ARL14EPL: variants seen among roughly 807,000 people sequenced by gnomAD.
ARL14EPL encodes the protein ARF like GTPase 14 effector protein like.
ARL14EPL carries 17 observed loss-of-function variants against 15.9 expected under a neutral mutation model. The ratio of observed to expected loss-of-function variants is 1.07; its 90% confidence interval spans 0.73 to 1.60. The LOEUF is 1.60. Ranked by LOEUF, ARL14EPL falls within the 40% of genes most tolerant of loss-of-function variation. The pLI, the probability that ARL14EPL is intolerant of heterozygous loss-of-function variation, is 0.00. For missense variants in ARL14EPL, 214 were observed against 185.9 expected (o/e 1.15, Z -0.88); for synonymous variants, 78 against 63.8 (o/e 1.22, Z -1.06).
chr5:116,055,972 T>C (rs1360437967), intron 3 of ARL14EPL, among the ~76,000 whole-genome samples: 1 of 152,250 alleles, frequency 6.6e-6, no homozygotes, highest in African/African-American at 2.4e-5. Flanking sequence ...ACAAAGGACA[T>C]GAACTCATCC....
intron 1 of ARL14EPL, among the ~76,000 whole-genome samples, chr5:116,049,003 G>A (rs1749323201): frequency 6.6e-6 from 1 of 152,156 alleles, no homozygotes; most frequent in Non-Finnish European, 1.5e-5. Context: ...AGTAGAAAGT[G>A]CATTTTTGGC....
intron 3 of ARL14EPL, among the ~76,000 whole-genome samples, chr5:116,056,326 T>G (rs1749516339): frequency 6.6e-6 from 1 of 152,222 alleles, no homozygotes; most frequent in South Asian, 2.1e-4. Flanking sequence ...CCTGACTTTT[T>G]AATGATCGTC....
chr5:116,045,706 CTGTA>C (rs1749252673), intron 1 of ARL14EPL, among the ~76,000 whole-genome samples: 1 of 151,534 alleles, frequency 6.6e-6, no homozygotes, highest in Non-Finnish European at 1.5e-5. Flanking sequence ...TTTAAATATA[CTGTA>C]TGTATTTTCA....
At chr5:116,034,669 T>C (rs1021416334) in intron 1 of ARL14EPL, among the ~76,000 whole-genome samples, 1 of 140,160 alleles carries the variant, frequency 7.1e-6, no homozygotes, top group East Asian at 2.3e-4. Flanking sequence ...ACCTGCTGAG[T>C]GTCTTCTGTG....
intron 1 of ARL14EPL, among the ~76,000 whole-genome samples, chr5:116,049,313 A>G (rs1749328056): frequency 6.6e-6 from 1 of 152,194 alleles, no homozygotes; most frequent in Non-Finnish European, 1.5e-5. Flanking sequence ...TAGGTCTGAG[A>G]TTCAGAAGAA....
chr5:116,037,470 T>C (rs1010486013), intron 1 of ARL14EPL, among the ~76,000 whole-genome samples: 3 of 152,170 alleles, frequency 2.0e-5, no homozygotes, highest in Non-Finnish European at 4.4e-5. Context: ...AAACAAATCA[T>C]ACCTAGTGGA....
intron 1 of ARL14EPL, among the ~76,000 whole-genome samples, chr5:116,049,501 T>G (rs1749330504): frequency 6.6e-6 from 1 of 152,198 alleles, no homozygotes; most frequent in African/African-American, 2.4e-5. Context: ...TTTCCAACTT[T>G]TATTTTAGAA....
At chr5:116,036,857 T>C (rs1749057831) in intron 1 of ARL14EPL, among the ~76,000 whole-genome samples, 1 of 152,216 alleles carries the variant, frequency 6.6e-6, no homozygotes, top group Non-Finnish European at 1.5e-5. Context: ...GTCAAATTTG[T>C]GAAAACATCA....
At chr5:116,039,355 G>A (rs1185572327) in intron 1 of ARL14EPL, among the ~76,000 whole-genome samples, 1 of 152,040 alleles carries the variant, frequency 6.6e-6, no homozygotes, top group African/African-American at 2.4e-5. Context: ...TCTCTACAAA[G>A]GTATCAGGAA....
chr5:116,043,328 A>T (rs892500275), intron 1 of ARL14EPL, among the ~76,000 whole-genome samples: 1 of 152,058 alleles, frequency 6.6e-6, no homozygotes, highest in Non-Finnish European at 1.5e-5. Flanking sequence ...GTGCTTTAGT[A>T]TGTGAATCCT....
rs567658727 is a variant in ARL14EPL, at chr5:116,058,651, G to A, written c.237-74G>A. ...GTAAAATGGTCATGTGTATGATGTT[G>A]ATTGTACATTAATTTATTCTCAATG... is the stretch of plus-strand genomic sequence containing the variant. On this transcript the variant is annotated intron_variant, in intron 3 of 3. Transcript: ENST00000686077. The A allele has an allele frequency of 2.2e-5, 31 of 1,386,706 alleles. No individual in the cohort carries two copies. In the South Asian group the frequency reaches 3.7e-4, roughly 16 times the overall value. The allele number at this position is 1,386,706 out of a possible 1,614,324, so 85.9% of individuals were successfully genotyped here.
At chr5:116,041,771 T>A (rs1369327332) in intron 1 of ARL14EPL, among the ~76,000 whole-genome samples, 1 of 152,154 alleles carries the variant, frequency 6.6e-6, no homozygotes, top group African/African-American at 2.4e-5. Flanking sequence ...TTACCTGAGT[T>A]TTTCCCCGTG....
chr5:116,044,115 T>G (rs1027016236), intron 1 of ARL14EPL, among the ~76,000 whole-genome samples: 8 of 152,208 alleles, frequency 5.3e-5, no homozygotes, highest in Admixed American at 4.6e-4. Context: ...GTCAAATATA[T>G]TTATTCTGGG....
chr5:116,054,853 T>C (rs893446343), intron 3 of ARL14EPL, among the ~76,000 whole-genome samples: 6 of 150,334 alleles, frequency 4.0e-5, no homozygotes, highest in Admixed American at 3.3e-4. Flanking sequence ...AATAAATAAA[T>C]AAAATAAAAA....
chr5:116,032,669 C>T (rs1290678927), intron 1 of ARL14EPL, among the ~76,000 whole-genome samples, 164 bp downstream of exon 1: 2 of 152,080 alleles, frequency 1.3e-5, no homozygotes, highest in Admixed American at 6.5e-5. Context: ...TACATATGTA[C>T]AGGAAAAACC....
intron 1 of ARL14EPL, among the ~76,000 whole-genome samples, chr5:116,041,809 C>G (rs182623968): frequency 1.3e-5 from 2 of 152,138 alleles, no homozygotes; most frequent in African/African-American, 4.8e-5. Flanking sequence ...TAATTGGCAC[C>G]TTTTCTAGTC....
chr5:116,036,647 G>T (rs1749055108), intron 1 of ARL14EPL, among the ~76,000 whole-genome samples: 1 of 152,086 alleles, frequency 6.6e-6, no homozygotes, highest in Non-Finnish European at 1.5e-5. Context: ...TACAACCTAA[G>T]GATATTTTAT....
chr5:116,046,546 T>G (rs771833589), intron 1 of ARL14EPL, among the ~76,000 whole-genome samples: 27 of 152,158 alleles, frequency 1.8e-4, no homozygotes, highest in Non-Finnish European at 3.5e-4. Flanking sequence ...AGGGATGTGG[T>G]TCCTGAGGCC....
chr5:116,037,030 T>C (rs750870949), intron 1 of ARL14EPL, among the ~76,000 whole-genome samples: 4 of 152,114 alleles, frequency 2.6e-5, no homozygotes, highest in Admixed American at 6.5e-5. Flanking sequence ...ACCACTGCAT[T>C]AGGGGTTTTC....
Sources: gnomAD v4.1 joint callset for allele counts (sites outside exome capture counted in the v4.1 genomes callset) on GRCh38, gnomAD v4.1.1 for gene constraint, MANE v1.5 for transcripts, NCBI Gene and HGNC (gene_info 2026-07-23, HGNC 2026-07-21) for gene names.